DACH2: variants seen among roughly 807,000 people sequenced by gnomAD.
The protein encoded by DACH2 is dachshund homolog 2.
A neutral mutation model predicts 35.8 loss-of-function variants in DACH2; 17 were observed. The observed-to-expected ratio is 0.48, with a 90% CI of 0.33 to 0.71. DACH2 has a LOEUF of 0.71. DACH2 is among the 30% of genes least tolerant of loss of function. The probability of loss-of-function intolerance (pLI) is 0.02; values close to 1 mark genes in which losing one functional copy is unlikely to be tolerated. For synonymous variants in DACH2, 195 were observed against 177.3 expected (o/e 1.10, Z -0.79); for missense variants, 469 against 472.7 (o/e 0.99, Z 0.07).
Position 86,769,362 on chromosome X carries a change from T to C in DACH2, c.1240+29480T>C, listed in dbSNP as rs754065244. ...TAGAATATGGTTAAAATTCCCATACTACCTAAAGCAATCTACACATCCTGT... is the reference window on the plus strand; with the variant it reads ...TAGAATATGGTTAAAATTCCCATACCACCTAAAGCAATCTACACATCCTGT... On this transcript the variant is annotated intron_variant, in intron 7 of 11. Transcript: ENST00000373125. 8.1e-5 allele frequency among the ~76,000 whole-genome samples: 9 copies of C among 111,596 alleles called. No individual in the cohort carries two copies. In the East Asian group the frequency reaches 2.6e-3, roughly 32 times the overall value.
chrX:86,478,221 C>T (rs1448971201), intron 2 of DACH2, among the ~76,000 whole-genome samples: 6 of 111,704 alleles, frequency 5.4e-5, no homozygotes, highest in African/African-American at 2.0e-4. Flanking sequence ...CAGATGGTTT[C>T]TTGTTGCTCA....
At chrX:86,764,741 T>A (rs1405166811) in intron 7 of DACH2, among the ~76,000 whole-genome samples, 1 of 111,685 alleles carries the variant, frequency 9.0e-6, no homozygotes, top group African/African-American at 3.3e-5. Flanking sequence ...TCTGGGTATA[T>A]ACCCAGCAGT....
chrX:86,573,192 A>T (rs370135295), intron 3 of DACH2, among the ~76,000 whole-genome samples: 4 of 110,530 alleles, frequency 3.6e-5, no homozygotes, highest in African/African-American at 1.3e-4. Context: ...AGAGGGAGAA[A>T]AGAAGGCAAG....
In DACH2 at chrX:86,252,973, A is replaced by G. The variant is rs772980972; in HGVS notation, c.488+103865A>G. 4.5e-5 allele frequency among the ~76,000 whole-genome samples: 5 copies of G among 111,084 alleles called. No homozygotes were observed. In the East Asian group the frequency reaches 1.4e-3, roughly 31 times the overall value. On this transcript the variant is annotated intron_variant, in intron 1 of 11. Transcript: ENST00000373125. ...TCCAAATCGGGAAAGAGAAAGTGCA[A>G]CTGTCACTGTTTGCAGATGATATGA...
At chrX:86,361,430 G>A (rs111658775) in intron 1 of DACH2, among the ~76,000 whole-genome samples, 2,872 of 111,065 alleles carry the variant, frequency 0.026, 75 homozygotes, top group East Asian at 0.21. Context: ...AATTATCTTG[G>A]TATTTCATGA....
intron 7 of DACH2, among the ~76,000 whole-genome samples, chrX:86,794,457 G>A (rs778822689): frequency 2.0e-4 from 22 of 110,259 alleles, no homozygotes; most frequent in African/African-American, 2.6e-4. Flanking sequence ...TTTTGGCCTC[G>A]GTGCTGATAT....
At chrX:86,785,541 A>G (rs2042128587) in intron 7 of DACH2, among the ~76,000 whole-genome samples, 1 of 111,711 alleles carries the variant, frequency 9.0e-6, no homozygotes, top group African/African-American at 3.3e-5. Flanking sequence ...CTTTATAAGA[A>G]TAGGATCTTT....
chrX:86,452,940 T>G (rs988637536), intron 2 of DACH2, among the ~76,000 whole-genome samples: 1 of 111,534 alleles, frequency 9.0e-6, no homozygotes, highest in Non-Finnish European at 1.9e-5. Context: ...TCTAGCTTTT[T>G]GATGTGGGCA....
At chrX:86,298,872 ATAAT>A (rs1051572792) in intron 1 of DACH2, among the ~76,000 whole-genome samples, 2 of 111,875 alleles carry the variant, frequency 1.8e-5, no homozygotes, top group African/African-American at 6.5e-5. Context: ...CTAGATTTAA[ATAAT>A]TTTCATAATA....
chrX:86,817,889 T>C (rs1379110010), intron 11 of DACH2, among the ~76,000 whole-genome samples: 1 of 112,199 alleles, frequency 8.9e-6, no homozygotes, highest in Admixed American at 9.5e-5. Flanking sequence ...CTTGTTTTCA[T>C]TGTGCATACT....
At chrX:86,226,595 A>T (rs1438681052) in intron 1 of DACH2, among the ~76,000 whole-genome samples, 1 of 111,893 alleles carries the variant, frequency 8.9e-6, no homozygotes, top group Non-Finnish European at 1.9e-5. Context: ...TACAGTTTTT[A>T]TGTAAGGCAA....
intron 1 of DACH2, among the ~76,000 whole-genome samples, chrX:86,323,082 C>T (rs1029122314): frequency 2.5e-4 from 28 of 112,393 alleles, no homozygotes; most frequent in Admixed American, 1.4e-3. Flanking sequence ...CTGCATGGAG[C>T]GGATTCCTAT....
intron 2 of DACH2, among the ~76,000 whole-genome samples, chrX:86,418,210 G>A (rs920746368): frequency 9.0e-5 from 10 of 111,562 alleles, no homozygotes; most frequent in South Asian, 7.5e-4. Context: ...TTTTCCAGGC[G>A]CACAATGTAA....
intron 7 of DACH2, among the ~76,000 whole-genome samples, chrX:86,778,054 G>T (rs1201744727): frequency 8.9e-6 from 1 of 111,738 alleles, no homozygotes; most frequent in Non-Finnish European, 1.9e-5. Flanking sequence ...GGCCAATTAG[G>T]TTGATTCCAT....
At chrX:86,686,135 T>A (rs1261485330) in intron 4 of DACH2, among the ~76,000 whole-genome samples, 1 of 112,335 alleles carries the variant, frequency 8.9e-6, no homozygotes, top group East Asian at 2.8e-4. Flanking sequence ...GAATTCAAAT[T>A]TCCAAAAAGT....
chrX:86,181,047 A>G (rs2031471396), intron 1 of DACH2, among the ~76,000 whole-genome samples: 1 of 110,418 alleles, frequency 9.1e-6, no homozygotes, highest in African/African-American at 3.3e-5. Flanking sequence ...TCAAACTAAC[A>G]TGATTATTAC....
rs139060253 is a variant in DACH2 at position 86,233,512 on chromosome X, G to C, written c.488+84404G>C. ...ATCCATTTAAACTGGTTTCCAGGTT[G>C]GGACTTGAAATCCCAACTTACGGCA... On this transcript the variant is annotated intron_variant, in intron 1 of 11. Coordinates refer to ENST00000373125, the MANE Select transcript of DACH2 (RefSeq NM_053281.3). 8.0e-5 allele frequency among the ~76,000 whole-genome samples: 9 copies of C among 111,889 alleles called. No individual in the cohort carries two copies. In the East Asian group the frequency reaches 2.5e-3, roughly 31 times the overall value.
At chrX:86,380,629 T>A (rs5968916) in intron 2 of DACH2, among the ~76,000 whole-genome samples, 12,353 of 109,915 alleles carry the variant, frequency 0.11, 613 homozygotes, top group East Asian at 0.3. Context: ...ACAGTTTAAT[T>A]TTAAAAATTG....
chrX:86,630,517 G>T (rs996700922), intron 3 of DACH2, among the ~76,000 whole-genome samples: 2 of 110,227 alleles, frequency 1.8e-5, no homozygotes, highest in African/African-American at 6.6e-5. Flanking sequence ...GGCCTGGGAA[G>T]TTTCTCACCC....
Sources: gnomAD v4.1 joint callset for allele counts (sites outside exome capture counted in the v4.1 genomes callset) on GRCh38, gnomAD v4.1.1 for gene constraint, MANE v1.5 for transcripts, NCBI Gene and HGNC (gene_info 2026-07-23, HGNC 2026-07-21) for gene names.